Variants in CTNNA2 observed in about 807,000 individuals in gnomAD.
CTNNA2 encodes the protein catenin alpha 2.
A neutral mutation model predicts 101.0 loss-of-function variants in CTNNA2; 42 were observed. That is an observed-to-expected ratio of 0.42 (90% CI 0.32 to 0.54). CTNNA2 has a LOEUF of 0.54. Among genes scored for constraint, CTNNA2 ranks in the 20% least tolerant of loss-of-function variants. CTNNA2 has a pLI of 0.14. For missense variants in CTNNA2, 871 were observed against 1,223.1 expected (o/e 0.71, Z 4.29); for synonymous variants, 450 against 456.4 (o/e 0.99, Z 0.18).
At chr2:80,350,230 C>T (rs999392289) in intron 7 of CTNNA2, among the ~76,000 whole-genome samples, 2 of 152,134 alleles carry the variant, frequency 1.3e-5, no homozygotes, top group South Asian at 4.2e-4. Context: ...AATCCTTGGC[C>T]CTGAACACTA....
chr2:80,523,166 C>T (rs981713772), intron 9 of CTNNA2, among the ~76,000 whole-genome samples: 1 of 152,070 alleles, frequency 6.6e-6, no homozygotes, highest in Non-Finnish European at 1.5e-5. Flanking sequence ...TAGAGGAAAA[C>T]ATTTATTTAA....
intron 2 of CTNNA2, among the ~76,000 whole-genome samples, chr2:79,733,770 C>G (rs1337800313): frequency 6.6e-6 from 1 of 152,034 alleles, no homozygotes; most frequent in Admixed American, 6.6e-5. Context: ...TTTCCTGCAT[C>G]TCACCATCGA....
chr2:79,585,609 G>T (rs1244114531), intron 1 of CTNNA2, among the ~76,000 whole-genome samples: 4 of 152,088 alleles, frequency 2.6e-5, no homozygotes, highest in Non-Finnish European at 4.4e-5. Context: ...ACATTAGAAA[G>T]TTTATCAGTG....
chr2:79,411,991 C>T (rs1183673114), intron 4 of CTNNA2, among the ~76,000 whole-genome samples: 1 of 152,040 alleles, frequency 6.6e-6, no homozygotes, highest in African/African-American at 2.4e-5. Flanking sequence ...GTGCTGTATT[C>T]AGGAAACCCA....
At chr2:79,408,427 T>G (rs1453673962) in intron 4 of CTNNA2, among the ~76,000 whole-genome samples, 3 of 151,022 alleles carry the variant, frequency 2.0e-5, no homozygotes, top group Middle Eastern at 3.4e-3. Context: ...TAGCATTAGG[T>G]ATATCTCCTA....
intron 4 of CTNNA2, among the ~76,000 whole-genome samples, chr2:79,433,046 C>T (rs887480288): frequency 6.6e-6 from 1 of 152,110 alleles, no homozygotes; most frequent in African/African-American, 2.4e-5. Flanking sequence ...ACACAGAAGC[C>T]GATGCCAGCA....
intron 4 of CTNNA2, among the ~76,000 whole-genome samples, chr2:79,488,318 CAAAAAAAAAA>C (rs61641596): frequency 1.0e-5 from 1 of 99,920 alleles, no homozygotes; most frequent in Non-Finnish European, 2.2e-5. Flanking sequence ...AACTCCATCT[CAAAAAAAAAA>C]AAAAAAAAAA....
chr2:79,740,945 G>A (rs148264596), intron 2 of CTNNA2, among the ~76,000 whole-genome samples: 3 of 152,138 alleles, frequency 2.0e-5, no homozygotes, highest in East Asian at 1.9e-4. Flanking sequence ...TGTAAATATA[G>A]GCATAGCTCA....
At chr2:80,076,152 A>G (rs551667923) in intron 7 of CTNNA2, among the ~76,000 whole-genome samples, 3 of 152,250 alleles carry the variant, frequency 2.0e-5, no homozygotes, top group Admixed American at 1.3e-4. Flanking sequence ...GAAATCTACA[A>G]GTATTCATTG....
At chr2:79,341,918 T>A (rs547896969) in intron 3 of CTNNA2, among the ~76,000 whole-genome samples, 2 of 152,328 alleles carry the variant, frequency 1.3e-5, no homozygotes, top group African/African-American at 4.8e-5. Context: ...CTTTTATGTA[T>A]GTCCATGAAA....
At chr2:79,838,474 T>C (rs532862997) in intron 3 of CTNNA2, among the ~76,000 whole-genome samples, 169 of 152,268 alleles carry the variant, frequency 1.1e-3, no homozygotes, top group Non-Finnish European at 1.7e-3. Context: ...AATAGGAGGC[T>C]ATATCTGAAT....
At chr2:79,652,513 C>T (rs538978294) in intron 2 of CTNNA2, among the ~76,000 whole-genome samples, 8 of 152,076 alleles carry the variant, frequency 5.3e-5, no homozygotes, top group Non-Finnish European at 1.2e-4. Flanking sequence ...TCAAATTTCT[C>T]TTGCACTCTG....
chr2:79,254,300 T>C (rs936697928), intron 2 of CTNNA2, among the ~76,000 whole-genome samples: 1 of 152,208 alleles, frequency 6.6e-6, no homozygotes, highest in African/African-American at 2.4e-5. Flanking sequence ...CCAAATCTCA[T>C]GTCAAGTTGT....
At chr2:80,267,071 C>A (rs1441196375) in intron 7 of CTNNA2, among the ~76,000 whole-genome samples, 1 of 152,172 alleles carries the variant, frequency 6.6e-6, no homozygotes, top group Non-Finnish European at 1.5e-5. Flanking sequence ...CTATGTCAGG[C>A]TCCCCAGTCT....
At chr2:80,259,338 T>A (rs1231745806) in intron 7 of CTNNA2, among the ~76,000 whole-genome samples, 1 of 152,162 alleles carries the variant, frequency 6.6e-6, no homozygotes, top group African/African-American at 2.4e-5. Flanking sequence ...GAGACGGAAC[T>A]GCACAGAATA....
At chr2:80,398,970 G>A (rs962519807) in intron 8 of CTNNA2, among the ~76,000 whole-genome samples, 1 of 151,380 alleles carries the variant, frequency 6.6e-6, no homozygotes, top group Non-Finnish European at 1.5e-5. Context: ...GTGCAATGGT[G>A]CGATCTCAAC....
At chr2:79,850,621 G>C (rs935645661) in intron 3 of CTNNA2, among the ~76,000 whole-genome samples, 4 of 152,140 alleles carry the variant, frequency 2.6e-5, no homozygotes, top group African/African-American at 9.7e-5. Context: ...GTTTTAAGAG[G>C]ATAGACCGCA....
chr2:79,414,721 A>G (rs908120501), intron 4 of CTNNA2, among the ~76,000 whole-genome samples: 10 of 152,024 alleles, frequency 6.6e-5, no homozygotes, highest in Non-Finnish European at 2.9e-5. Flanking sequence ...CTATAATACC[A>G]GATGCAAAAG....
intron 2 of CTNNA2, among the ~76,000 whole-genome samples, chr2:79,687,930 C>T (rs764685522): frequency 1.3e-5 from 2 of 151,934 alleles, no homozygotes; most frequent in South Asian, 2.1e-4. Context: ...GGAGAATCTC[C>T]GTATAGAGTG....
Sources: gnomAD v4.1 joint callset for allele counts (sites outside exome capture counted in the v4.1 genomes callset) on GRCh38, gnomAD v4.1.1 for gene constraint, MANE v1.5 for transcripts, NCBI Gene and HGNC (gene_info 2026-07-23, HGNC 2026-07-21) for gene names.